The following PTCD3 variants were observed in gnomAD, a reference collection of about 807,000 sequenced individuals.
PTCD3 encodes the protein small ribosomal subunit protein mS39.
A neutral mutation model predicts 101.9 loss-of-function variants in PTCD3; 89 were observed. That is an observed-to-expected ratio of 0.87 (90% CI 0.74 to 1.04). The LOEUF (loss-of-function observed/expected upper bound fraction) is 1.04. Among genes scored for constraint, PTCD3 ranks in the 50% least tolerant of loss-of-function variants. PTCD3 has a pLI of 0.00. For synonymous variants in PTCD3, 296 were observed against 278.5 expected (o/e 1.06, Z -0.63); for missense variants, 870 against 828.2 (o/e 1.05, Z -0.62).
At chr2:86,128,018 T>C (rs559379597) in intron 14 of PTCD3, 27 bp downstream of exon 14, 1 of 1,545,096 alleles carries the variant, frequency 6.5e-7, no homozygotes, top group South Asian at 1.1e-5. Flanking sequence ...ATTGTGTTAA[T>C]TTATATAGAA....
At chr2:86,136,912 A>C in intron 22 of PTCD3, 70 bp from the exon 23 acceptor site, 3 of 1,561,244 alleles carry the variant, frequency 1.9e-6, no homozygotes, top group Non-Finnish European at 2.6e-6. Context: ...CTGAACTTAC[A>C]CTGGATCTTG....
intron 12 of PTCD3, among the ~76,000 whole-genome samples, chr2:86,126,246 A>G (rs1190195712): frequency 5.3e-5 from 8 of 151,110 alleles, no homozygotes; most frequent in Non-Finnish European, 8.9e-5. Flanking sequence ...AAAAAAAAGA[A>G]AAAGAAACAG....
intron 14 of PTCD3, 141 bp downstream of exon 14, chr2:86,128,132 C>A: frequency 2.7e-6 from 2 of 745,490 alleles, no homozygotes; most frequent in Non-Finnish European, 2.2e-6. Flanking sequence ...ACAGCCTGAG[C>A]AGAAAGTTGT....
At chr2:86,123,871 T>A in intron 9 of PTCD3, 109 bp downstream of exon 9, 1 of 751,104 alleles carries the variant, frequency 1.3e-6, no homozygotes, top group African/African-American at 1.8e-5. Flanking sequence ...ATAATTGATT[T>A]TTATTGTGCA....
Position 86,137,015 on chromosome 2 carries a change from A to G in PTCD3, c.1854A>G (p.Ala618=), listed in dbSNP as rs1169000025. Residue 618 remains alanine, a synonymous_variant, in exon 23 of 24, where the codon GCA becomes GCG. Coordinates refer to ENST00000254630, the MANE Select transcript of PTCD3 (RefSeq NM_017952.6). ...SELLNELMDS[A]KVSNSPSQAI... The stretch of plus-strand genomic sequence containing the variant: ...TGCTGAATGAGCTTATGGACAGTGC[A>G]AAAGTGTCTAACAGCCCTTCCCAGG... 6.2e-7 allele frequency: 1 copy of G among 1,613,732 alleles called. No homozygotes were observed. Among genetic ancestry groups the G allele is most frequent in the Non-Finnish European group, 8.5e-7 (1 of 1,179,938 alleles).
chr2:86,127,957 A>G lies in PTCD3; in HGVS notation c.1113A>G (p.Thr371=), dbSNP rs918610896. The G allele has an allele frequency of 3.7e-6, 6 of 1,610,700 alleles. No individual in the cohort carries two copies. Among genetic ancestry groups the G allele is most frequent in the South Asian group, 2.2e-5 (2 of 91,008 alleles). ...KAIGIEPSLA[T]YHHIIRLFDQ... ...TAATTTGAGAACCCTCGCTTGCAAC[A>G]TATCACCATATTATTCGCCTGTTTG... is the stretch of plus-strand genomic sequence containing the variant. Residue 371 remains threonine (T), a synonymous_variant, in exon 14 of 24, where the codon ACA becomes ACG. Transcript: ENST00000254630.
rs1224620341 is a variant in PTCD3 at position 86,140,947 on chromosome 2, C to CT, written c.*3391dup. ...ACCAAAAAAACTGTCCAGCTGTGGACTTTCAGGATTCAGGACTGCTGGGGA... is the reference window on the plus strand; with the variant it reads ...ACCAAAAAAACTGTCCAGCTGTGGACTTTTCAGGATTCAGGACTGCTGGGGA... On this transcript the variant is annotated 3_prime_UTR_variant, in exon 24 of 24. Coordinates refer to ENST00000254630, the MANE Select transcript of PTCD3 (RefSeq NM_017952.6). 1 of 150,492 alleles carries CT rather than the reference C, an allele frequency of 6.6e-6. No individual in the cohort carries two copies. The highest frequency in any genetic ancestry group is 1.5e-5 in the Non-Finnish European group (1 of 67,778). 9.3% of individuals were successfully genotyped at this position (150,492 alleles called of 1,614,324 possible). A position where few individuals can be genotyped will look rare whatever the true frequency, so the allele number is the denominator to read the frequency against.
chr2:86,119,658 C>G (rs1255254184), intron 7 of PTCD3: 1 of 152,364 alleles, frequency 6.6e-6, no homozygotes, highest in Non-Finnish European at 1.5e-5. Flanking sequence ...GCCCAGCTTT[C>G]CTAGACTCTT....
rs145253714 is a variant in PTCD3 at position 86,116,478 on chromosome 2, A to G, written c.241-52A>G. 1.2e-4 allele frequency: 174 copies of G among 1,424,080 alleles called. No homozygotes were observed. In the Middle Eastern group the frequency reaches 3.0e-3, roughly 25 times the overall value. The allele number at this position is 1,424,080 out of a possible 1,614,324, so 88.2% of individuals were successfully genotyped here. On this transcript the variant is annotated intron_variant, in intron 4 of 23. Transcript: ENST00000254630. The stretch of plus-strand genomic sequence containing the variant: ...CTTGAGTCCAGGAGCTAAAAGTTAC[A>G]GTGAGCTGTCTTCAAAATAAATATA...
At chr2:86,132,536 C>G in intron 17 of PTCD3, 112 bp downstream of exon 17, 1 of 667,990 alleles carries the variant, frequency 1.5e-6, no homozygotes, top group Non-Finnish European at 2.6e-6. Context: ...TGCCAATGAT[C>G]TAATAGGACA....
At chr2:86,115,738 G>T (rs1403816696) in intron 4 of PTCD3, among the ~76,000 whole-genome samples, 1 of 152,334 alleles carries the variant, frequency 6.6e-6, no homozygotes, top group Non-Finnish European at 1.5e-5. Context: ...TCTCAGTGGG[G>T]CCCCTGGTGG....
chr2:86,130,683 G>A lies in PTCD3; in HGVS notation c.1183G>A (p.Asp395Asn), dbSNP rs140559951. 3.1e-4 allele frequency: 497 copies of A among 1,613,612 alleles called. 1 individual carries two copies. The highest frequency in any genetic ancestry group is 4.0e-4 in the Non-Finnish European group (471 of 1,179,808). Residue 395 changes from aspartate (D) to asparagine (N), a missense_variant, in exon 15 of 24, where the codon GAT becomes AAT. Physicochemically the swap from Asp to Asn is conservative, Grantham distance 23. Coordinates refer to ENST00000254630, the MANE Select transcript of PTCD3 (RefSeq NM_017952.6). ...PLKRSSFIIYDIMNELMGKRF... is the reference protein window; with the variant it reads ...PLKRSSFIIYNIMNELMGKRF... Reference sequence around the variant, plus strand: ...AAAGAGATCATCCTTCATCATTTATGATATAATGAATGAATTAATGGGAAA... The same window carrying A: ...AAAGAGATCATCCTTCATCATTTATAATATAATGAATGAATTAATGGGAAA...
intron 4 of PTCD3, among the ~76,000 whole-genome samples, chr2:86,115,978 T>G (rs955457259): frequency 6.6e-6 from 1 of 152,122 alleles, no homozygotes; most frequent in African/African-American, 2.4e-5. Context: ...TACCTAGAGT[T>G]TAAAACAGTC....
chr2:86,133,472 A>C, intron 19 of PTCD3, 36 bp downstream of exon 19: 65 of 1,518,168 alleles, frequency 4.3e-5, no homozygotes, highest in African/African-American at 5.5e-5. Flanking sequence ...GGTGCATCTC[A>C]CCTCAATATC....
At chr2:86,135,017 A>G (rs1441716792) in intron 21 of PTCD3, 30 bp downstream of exon 21, 1 of 1,577,946 alleles carries the variant, frequency 6.3e-7, no homozygotes, top group South Asian at 1.2e-5. Context: ...TATACACTTT[A>G]GAAGCTTTTG....
intron 9 of PTCD3, among the ~76,000 whole-genome samples, chr2:86,124,702 G>C (rs1177188108): frequency 6.6e-6 from 1 of 152,166 alleles, no homozygotes; most frequent in Non-Finnish European, 1.5e-5. Context: ...TTGTCATACA[G>C]TTGCTTCTTG....
At chr2:86,118,582 G>A (rs1674221123) in intron 6 of PTCD3, among the ~76,000 whole-genome samples, 1 of 152,324 alleles carries the variant, frequency 6.6e-6, no homozygotes, top group East Asian at 1.9e-4. Context: ...GGTAGAGAAT[G>A]CCTTTCGTCT....
chr2:86,132,873 G>T (rs1674518167), intron 17 of PTCD3: 2 of 391,492 alleles, frequency 5.1e-6, no homozygotes, highest in South Asian at 4.3e-5. Context: ...ATTGTTTTCT[G>T]TGTATCCAAA....
chr2:86,123,847 T>G, intron 9 of PTCD3, 85 bp downstream of exon 9: 2 of 887,500 alleles, frequency 2.3e-6, no homozygotes, highest in South Asian at 2.8e-5. Context: ...GATGTTTTCT[T>G]GTGATGTTCT....
Sources: allele counts gnomAD v4.1 joint callset (sites outside exome capture counted in the v4.1 genomes callset), GRCh38; gene constraint gnomAD v4.1.1; transcripts MANE v1.5; gene names NCBI Gene and HGNC (gene_info 2026-07-23, HGNC 2026-07-21).